The following LDLRAD3 variants were observed in gnomAD, a reference collection of about 807,000 sequenced individuals.
The protein encoded by LDLRAD3 is low density lipoprotein receptor class A domain containing 3.
In LDLRAD3, 20 loss-of-function variants were observed where a neutral mutation model predicts 29.4. That is an observed-to-expected ratio of 0.68 (90% CI 0.48 to 0.99). The LOEUF (loss-of-function observed/expected upper bound fraction) is 0.99. Among genes scored for constraint, LDLRAD3 ranks in the 50% least tolerant of loss-of-function variants. The pLI, the probability that LDLRAD3 is intolerant of heterozygous loss-of-function variation, is 0.00. For missense variants in LDLRAD3, 420 were observed against 454.3 expected, an observed-to-expected ratio of 0.92 and a Z score of 0.69; for synonymous variants, 157 against 192.7, an observed-to-expected ratio of 0.81 and a Z score of 1.53.
intron 4 of LDLRAD3, among the ~76,000 whole-genome samples, chr11:36,118,556 C>A (rs1565235556): frequency 6.6e-6 from 1 of 151,340 alleles, no homozygotes; most frequent in East Asian, 1.9e-4. Context: ...AAAAAAAATA[C>A]CTCATTTTCT....
At chr11:36,133,581 T>C (rs1853961129) in intron 4 of LDLRAD3, among the ~76,000 whole-genome samples, 5 of 144,394 alleles carry the variant, frequency 3.5e-5, no homozygotes, top group South Asian at 2.3e-4. Flanking sequence ...GGAGTCTTGC[T>C]CTGTCACCTA....
At chr11:36,067,260 G>A (rs1401967977) in intron 2 of LDLRAD3, among the ~76,000 whole-genome samples, 1 of 152,182 alleles carries the variant, frequency 6.6e-6, no homozygotes, top group East Asian at 1.9e-4. Flanking sequence ...GGCAGAAAGT[G>A]TCTGAAATGA....
intron 4 of LDLRAD3, among the ~76,000 whole-genome samples, chr11:36,194,142 G>A (rs1854997263): frequency 6.6e-6 from 1 of 152,042 alleles, no homozygotes; most frequent in African/African-American, 2.4e-5. Flanking sequence ...GGCTCCTTAG[G>A]TGCAGGGCCC....
chr11:36,162,910 T>C (rs1366115013), intron 4 of LDLRAD3, among the ~76,000 whole-genome samples: 1 of 152,254 alleles, frequency 6.6e-6, no homozygotes, highest in Non-Finnish European at 1.5e-5. Context: ...GTTGTCGTTA[T>C]ATCTGGATCC....
chr11:36,046,326 A>C lies in LDLRAD3; in HGVS notation c.193+10077A>C, dbSNP rs562803752. 2.0e-5 allele frequency among the ~76,000 whole-genome samples: 3 copies of C among 152,272 alleles called. No individual in the cohort carries two copies. In the South Asian group the frequency reaches 6.2e-4, roughly 32 times the overall value. On this transcript the variant is annotated intron_variant, in intron 2 of 5. Coordinates refer to ENST00000315571, the MANE Select transcript of LDLRAD3 (RefSeq NM_174902.4). Reference sequence around the variant, plus strand: ...CCATGATTGTGAGGCCTCCCCAGCCATGTGGAACTGAGAGTCCAATAAACC... The same window carrying C: ...CCATGATTGTGAGGCCTCCCCAGCCCTGTGGAACTGAGAGTCCAATAAACC...
chr11:36,104,231 G>T (rs1024893985), intron 4 of LDLRAD3, among the ~76,000 whole-genome samples: 1 of 152,128 alleles, frequency 6.6e-6, no homozygotes, highest in Non-Finnish European at 1.5e-5. Context: ...GGGAACCGAG[G>T]CCTGCCAATA....
At chr11:36,182,336 A>G (rs575256612) in intron 4 of LDLRAD3, among the ~76,000 whole-genome samples, 7 of 152,262 alleles carry the variant, frequency 4.6e-5, no homozygotes, top group South Asian at 2.1e-4. Flanking sequence ...CAAGAGGTAT[A>G]TAGGTTTGTC....
intron 1 of LDLRAD3, among the ~76,000 whole-genome samples, chr11:36,021,052 T>C (rs1852088339): frequency 6.6e-6 from 1 of 152,046 alleles, no homozygotes; most frequent in South Asian, 2.1e-4. Flanking sequence ...CCAGCTGAGA[T>C]GGCGCATGAT....
chr11:36,051,716 G>A (rs898147792), intron 2 of LDLRAD3, among the ~76,000 whole-genome samples: 7 of 152,038 alleles, frequency 4.6e-5, no homozygotes, highest in African/African-American at 1.7e-4. Context: ...AGGAGTACTG[G>A]AGTGTTATCT....
chr11:36,188,465 T>G (rs1854889968), intron 4 of LDLRAD3, among the ~76,000 whole-genome samples: 1 of 149,940 alleles, frequency 6.7e-6, no homozygotes, highest in Admixed American at 6.6e-5. Context: ...AATGGAATTC[T>G]AAGCTGGCAC....
chr11:36,060,353 CA>C (rs60557347), intron 2 of LDLRAD3, among the ~76,000 whole-genome samples: 13,972 of 73,632 alleles, frequency 0.19, 488 homozygotes, highest in Admixed American at 0.23. Context: ...GACTCTGTCT[CA>C]AAAAAAAAAA....
chr11:36,143,696 C>T (rs1031125822), intron 4 of LDLRAD3, among the ~76,000 whole-genome samples: 6 of 152,144 alleles, frequency 3.9e-5, no homozygotes, highest in African/African-American at 1.4e-4. Flanking sequence ...GTTCTGGAGG[C>T]CGGAAGTCCA....
At chr11:36,101,413 T>G (rs1853444874) in intron 4 of LDLRAD3, among the ~76,000 whole-genome samples, 2 of 152,238 alleles carry the variant, frequency 1.3e-5, no homozygotes, top group Non-Finnish European at 1.5e-5. Flanking sequence ...TGCTGTGTTT[T>G]AATTTGCACC....
At position 36,151,921 on chromosome 11, in the gene LDLRAD3, C is replaced by A. The variant is rs558226369; in HGVS notation, c.454+53460C>A. Among the ~76,000 whole-genome samples, 4 of 152,328 alleles carry A rather than the reference C, an allele frequency of 2.6e-5. No homozygotes were observed. In the South Asian group the frequency reaches 8.3e-4, roughly 32 times the overall value. On this transcript the variant is annotated intron_variant, in intron 4 of 5. Coordinates refer to ENST00000315571, the MANE Select transcript of LDLRAD3 (RefSeq NM_174902.4). Reference sequence around the variant, plus strand: ...TGGGGCTACCAGAGAGCTTCATAGACTTGACCCCAACACTTTAGCTGGATG... The same window carrying A: ...TGGGGCTACCAGAGAGCTTCATAGAATTGACCCCAACACTTTAGCTGGATG...
At chr11:36,182,783 CACAG>C (rs992760952) in intron 4 of LDLRAD3, among the ~76,000 whole-genome samples, 8 of 152,156 alleles carry the variant, frequency 5.3e-5, no homozygotes, top group African/African-American at 1.9e-4. Flanking sequence ...GATGACAAAC[CACAG>C]ACATCCCCCT....
intron 1 of LDLRAD3, among the ~76,000 whole-genome samples, chr11:35,962,964 A>C (rs1449221596): frequency 6.6e-6 from 1 of 152,208 alleles, no homozygotes; most frequent in Non-Finnish European, 1.5e-5. Flanking sequence ...TACCAGAAGA[A>C]GACATAATCA....
At chr11:36,019,492 C>A (rs548368325) in intron 1 of LDLRAD3, among the ~76,000 whole-genome samples, 13 of 152,312 alleles carry the variant, frequency 8.5e-5, no homozygotes, top group African/African-American at 3.1e-4. Flanking sequence ...GGTAGATAAC[C>A]TGGCCTCATT....
At chr11:36,044,022 C>G (rs1852415793) in intron 2 of LDLRAD3, among the ~76,000 whole-genome samples, 1 of 152,156 alleles carries the variant, frequency 6.6e-6, no homozygotes, top group African/African-American at 2.4e-5. Flanking sequence ...CACCTAATTC[C>G]TGGCATGATC....
chr11:36,141,154 A>G (rs1241593620), intron 4 of LDLRAD3, among the ~76,000 whole-genome samples: 2 of 152,118 alleles, frequency 1.3e-5, no homozygotes, highest in Non-Finnish European at 2.9e-5. Flanking sequence ...GATGGCAGTA[A>G]TATATGTGAA....
Sources: gnomAD v4.1 joint callset for allele counts (sites outside exome capture counted in the v4.1 genomes callset) on GRCh38, gnomAD v4.1.1 for gene constraint, MANE v1.5 for transcripts, NCBI Gene and HGNC (gene_info 2026-07-23, HGNC 2026-07-21) for gene names.